Variants in PPARGC1A observed in about 807,000 individuals in gnomAD.
PPARGC1A encodes PPARG coactivator 1 alpha, also known as peroxisome proliferator-activated receptor gamma coactivator 1-alpha.
PPARGC1A carries 25 observed loss-of-function variants against 88.7 expected under a neutral mutation model. That is an observed-to-expected ratio of 0.28 (90% CI 0.21 to 0.39). The LOEUF (loss-of-function observed/expected upper bound fraction) is 0.39. Among genes scored for constraint, PPARGC1A ranks in the 10% least tolerant of loss-of-function variants. PPARGC1A has a pLI of 1.00. For synonymous variants in PPARGC1A, 363 were observed against 355.6 expected, an observed-to-expected ratio of 1.02 and a Z score of -0.24; for missense variants, 880 against 968.7, an observed-to-expected ratio of 0.91 and a Z score of 1.22.
the PPARGC1A span, among the ~76,000 whole-genome samples, chr4:24,118,417 G>A: frequency 3.3e-5 from 5 of 152,170 alleles, no homozygotes; most frequent in Admixed American, 2.0e-4. Context: ...AGTTTTCCTG[G>A]CCCTGAAAAC....
the PPARGC1A span, among the ~76,000 whole-genome samples, chr4:23,990,380 C>T: frequency 6.6e-6 from 1 of 151,688 alleles, no homozygotes; most frequent in Non-Finnish European, 1.5e-5. Context: ...GCAGCAATTA[C>T]ACAGCACCAC....
At position 23,794,336 on chromosome 4, in the gene PPARGC1A, G is replaced by C. The variant is rs1026679223; in HGVS notation, c.*1486C>G. On this transcript the variant is annotated 3_prime_UTR_variant, in exon 13 of 13. Coordinates refer to ENST00000264867, the MANE Select transcript of PPARGC1A (RefSeq NM_013261.5). The stretch of plus-strand genomic sequence containing the variant: ...ATTTCATTCCCCTAACAAATCCAGT[G>C]TATAAAACTTCAAAGAAAAACAAGC... 1 of 152,374 alleles carries C rather than the reference G, an allele frequency of 6.6e-6. No homozygotes were observed. Among genetic ancestry groups the C allele is most frequent in the Non-Finnish European group, 1.5e-5 (1 of 67,974 alleles). The allele number at this position is 152,374 out of a possible 1,614,324, so 9.4% of individuals were successfully genotyped here.
the PPARGC1A span, among the ~76,000 whole-genome samples, chr4:24,190,193 C>CT: frequency 6.6e-6 from 1 of 152,152 alleles, no homozygotes; most frequent in South Asian, 2.1e-4. Context: ...CCCATGGATA[C>CT]AACAGGCCTG....
At chr4:24,168,516 G>A in the PPARGC1A span, among the ~76,000 whole-genome samples, 1 of 152,166 alleles carries the variant, frequency 6.6e-6, no homozygotes, top group Non-Finnish European at 1.5e-5. Context: ...AAGGAATCAG[G>A]ACTCTGTACA....
the PPARGC1A span, among the ~76,000 whole-genome samples, chr4:24,234,746 G>C: frequency 6.6e-6 from 1 of 152,174 alleles, no homozygotes; most frequent in Non-Finnish European, 1.5e-5. Flanking sequence ...AATGTATCCT[G>C]TTCATTTCCA....
chr4:23,825,301 C>CTA (rs1441018216), intron 5 of PPARGC1A: 1 of 151,976 alleles, frequency 6.6e-6, no homozygotes, highest in East Asian at 1.9e-4. Flanking sequence ...CATACTTGGG[C>CTA]TATACATTCA....
chr4:23,871,787 T>C (rs903268069), intron 2 of PPARGC1A, among the ~76,000 whole-genome samples: 2 of 152,124 alleles, frequency 1.3e-5, no homozygotes, highest in African/African-American at 4.8e-5. Context: ...AGTGCTATAA[T>C]AGAGGCACTT....
the PPARGC1A span, among the ~76,000 whole-genome samples, chr4:24,345,407 T>G: frequency 2.0e-5 from 3 of 152,166 alleles, no homozygotes; most frequent in Non-Finnish European, 2.9e-5. Context: ...GATGTGTTCC[T>G]ATTTGTTTGT....
At chr4:23,969,632 T>C in the PPARGC1A span, among the ~76,000 whole-genome samples, 2 of 152,222 alleles carry the variant, frequency 1.3e-5, no homozygotes, top group African/African-American at 2.4e-5. Flanking sequence ...GATTGTTTAT[T>C]TTCTTTCAAA....
At chr4:24,005,348 G>A in the PPARGC1A span, among the ~76,000 whole-genome samples, 3 of 152,190 alleles carry the variant, frequency 2.0e-5, no homozygotes, top group Middle Eastern at 3.4e-3. Context: ...CTATTGTCCC[G>A]GGCATGGTTA....
At chr4:23,910,229 T>TATATATAATATATATAAATATATA in the PPARGC1A span, among the ~76,000 whole-genome samples, 1 of 106,844 alleles carries the variant, frequency 9.4e-6, no homozygotes, top group Non-Finnish European at 1.8e-5. Context: ...TATAATATAT[T>TATATATAATATATATAAATATATA]ATATATAATA....
the PPARGC1A span, among the ~76,000 whole-genome samples, chr4:23,947,352 G>GATTGATATATATATAT: frequency 6.6e-5 from 5 of 75,828 alleles, no homozygotes; most frequent in African/African-American, 3.0e-4. Context: ...GTTATATAGT[G>GATTGATATATATATAT]ATATATATAT....
the PPARGC1A span, among the ~76,000 whole-genome samples, chr4:24,183,347 G>C: frequency 6.6e-6 from 1 of 152,146 alleles, no homozygotes. Flanking sequence ...AATCACTCTA[G>C]TTACAAGCTT....
chr4:23,829,974 G>C (rs1032777756), intron 3 of PPARGC1A, among the ~76,000 whole-genome samples: 1 of 151,356 alleles, frequency 6.6e-6, no homozygotes, highest in Non-Finnish European at 1.5e-5. Context: ...TATTTTTTTT[G>C]AACAAATAAA....
At chr4:24,123,358 C>G in the PPARGC1A span, among the ~76,000 whole-genome samples, 1 of 152,128 alleles carries the variant, frequency 6.6e-6, no homozygotes, top group Non-Finnish European at 1.5e-5. Flanking sequence ...TTTCCTGCAC[C>G]TCACAGCTAA....
chr4:24,461,438 G>C, the PPARGC1A span, among the ~76,000 whole-genome samples: 1 of 152,226 alleles, frequency 6.6e-6, no homozygotes, highest in Non-Finnish European at 1.5e-5. Context: ...AAGAGATAAT[G>C]ATAGCTAGAT....
chr4:24,106,041 T>TGATC, the PPARGC1A span, among the ~76,000 whole-genome samples: 1 of 152,218 alleles, frequency 6.6e-6, no homozygotes, highest in East Asian at 1.9e-4. Context: ...AAATAGCTAT[T>TGATC]GATCAGTCCC....
At chr4:24,017,356 C>T in the PPARGC1A span, among the ~76,000 whole-genome samples, 1 of 152,064 alleles carries the variant, frequency 6.6e-6, no homozygotes, top group Non-Finnish European at 1.5e-5. Flanking sequence ...ATAGTAATTC[C>T]TGAGAACTAA....
At chr4:24,127,275 A>C in the PPARGC1A span, among the ~76,000 whole-genome samples, 9 of 152,230 alleles carry the variant, frequency 5.9e-5, no homozygotes, top group Admixed American at 2.6e-4. Flanking sequence ...AGAGTATTTA[A>C]AAAGTTTCCA....
Sources: gnomAD v4.1 joint callset for allele counts (sites outside exome capture counted in the v4.1 genomes callset) on GRCh38, gnomAD v4.1.1 for gene constraint, MANE v1.5 for transcripts, NCBI Gene and HGNC (gene_info 2026-07-23, HGNC 2026-07-21) for gene names.